The following CSMD1 variants were observed in gnomAD, a reference collection of about 807,000 sequenced individuals.
CSMD1 encodes CUB and Sushi multiple domains 1, also known as CUB and sushi domain-containing protein 1.
Under a neutral mutation model 417.5 loss-of-function variants are expected in CSMD1, and 213 were observed. That is an observed-to-expected ratio of 0.51 (90% CI 0.46 to 0.57). The LOEUF (loss-of-function observed/expected upper bound fraction) is 0.57, where lower values mean the gene tolerates loss of function less well. Ranked by LOEUF, CSMD1 falls within the 20% of genes least tolerant of loss-of-function variation. The pLI is 0.00. For missense variants in CSMD1, 6,923 were observed against 4,529.7 expected (o/e 1.53, Z -15.17); for synonymous variants, 2,862 against 1,736.8 (o/e 1.65, Z -16.11).
intron 1 of CSMD1, among the ~76,000 whole-genome samples, chr8:4,681,911 C>G (rs1450662533): frequency 2.0e-5 from 3 of 152,122 alleles, no homozygotes; most frequent in Non-Finnish European, 2.9e-5. Flanking sequence ...TAAGCCCTAC[C>G]TCGTGCTTGG....
At chr8:4,598,572 C>G (rs559429759) in intron 2 of CSMD1, among the ~76,000 whole-genome samples, 4 of 152,094 alleles carry the variant, frequency 2.6e-5, no homozygotes. Flanking sequence ...CACATTGGTT[C>G]AAGATTATAA....
At chr8:3,968,111 C>T (rs796345409) in intron 5 of CSMD1, among the ~76,000 whole-genome samples, 42 of 151,716 alleles carry the variant, frequency 2.8e-4, no homozygotes, top group Middle Eastern at 3.4e-3. Flanking sequence ...GGCGTGAACC[C>T]GGGAGGCAGA....
rs1038318290 is a variant in CSMD1 at position 4,342,668 on chromosome 8, G to A, written c.415+77285C>T. Among the ~76,000 whole-genome samples the A allele has an allele frequency of 2.6e-5, 4 of 152,016 alleles. No individual in the cohort carries two copies. In the East Asian group the frequency reaches 7.7e-4, roughly 29 times the overall value. Reference sequence around the variant, plus strand: ...TTTCATCACATGTGATGCTAAACATGAACTGGCTGCCCAGCGATAGAGCCA... The same window carrying A: ...TTTCATCACATGTGATGCTAAACATAAACTGGCTGCCCAGCGATAGAGCCA... On this transcript the variant is annotated intron_variant, in intron 3 of 69. Transcript: ENST00000635120.
intron 18 of CSMD1, among the ~76,000 whole-genome samples, chr8:3,384,682 AAT>A (rs1002727940): frequency 3.1e-5 from 4 of 128,402 alleles, no homozygotes; most frequent in Non-Finnish European, 4.7e-5. Context: ...TTTATATATA[AAT>A]ATATATTTAT....
At position 3,316,022 on chromosome 8, in the gene CSMD1, A is replaced by AT. The variant is rs1554512394; in HGVS notation, c.3632-7520dup. The stretch of plus-strand genomic sequence containing the variant: ...ATTCAAATTATTCACTTTCTCACTG[A>AT]TTTTTTTACCACTATGCACGTATGT... On this transcript the variant is annotated intron_variant, in intron 23 of 69. Coordinates refer to ENST00000635120, the MANE Select transcript of CSMD1 (RefSeq NM_033225.6). Among the ~76,000 whole-genome samples, 125 of 152,204 alleles carry AT rather than the reference A, an allele frequency of 8.2e-4. No homozygotes were observed. In the South Asian group the frequency reaches 9.1e-3, roughly 11 times the overall value.
At chr8:4,239,900 G>C (rs1802288723) in intron 3 of CSMD1, among the ~76,000 whole-genome samples, 1 of 152,158 alleles carries the variant, frequency 6.6e-6, no homozygotes, top group African/African-American at 2.4e-5. Flanking sequence ...TTAGCAATTT[G>C]CATAAGTAAA....
intron 5 of CSMD1, among the ~76,000 whole-genome samples, chr8:3,890,939 G>T (rs1053497209): frequency 7.1e-6 from 1 of 141,698 alleles, no homozygotes; most frequent in African/African-American, 3.1e-5. Context: ...TCTCTCATAC[G>T]ACTCTCATAC....
intron 7 of CSMD1, among the ~76,000 whole-genome samples, chr8:3,650,965 A>G (rs1306416151): frequency 1.3e-5 from 2 of 152,162 alleles, no homozygotes; most frequent in African/African-American, 4.8e-5. Flanking sequence ...ATATTTCCCT[A>G]TAGTAAACAC....
At chr8:4,931,217 C>T (rs757316277) in intron 1 of CSMD1, among the ~76,000 whole-genome samples, 1 of 152,106 alleles carries the variant, frequency 6.6e-6, no homozygotes, top group Non-Finnish European at 1.5e-5. Context: ...AACTCACTCC[C>T]CTTTTTTTAG....
intron 27 of CSMD1, among the ~76,000 whole-genome samples, chr8:3,224,646 A>T (rs2044309): frequency 0.27 from 40,726 of 152,120 alleles, 5,616 homozygotes; most frequent in East Asian, 0.31. Flanking sequence ...GAACCACTTT[A>T]TATGATAATA....
At chr8:3,286,080 G>C (rs150605121) in intron 25 of CSMD1, among the ~76,000 whole-genome samples, 2 of 152,042 alleles carry the variant, frequency 1.3e-5, no homozygotes, top group South Asian at 4.1e-4. Context: ...TGAGGCGTTT[G>C]GTTTTTTGTC....
At chr8:4,988,428 G>A (rs907767470) in intron 1 of CSMD1, among the ~76,000 whole-genome samples, 2 of 152,058 alleles carry the variant, frequency 1.3e-5, no homozygotes, top group African/African-American at 2.4e-5. Flanking sequence ...AATAAAATAC[G>A]TAAGTTATTT....
At chr8:4,347,149 T>C (rs1800819654) in intron 3 of CSMD1, among the ~76,000 whole-genome samples, 1 of 152,186 alleles carries the variant, frequency 6.6e-6, no homozygotes, top group Non-Finnish European at 1.5e-5. Context: ...GCACTTGGTG[T>C]GACAACTGGG....
chr8:3,923,703 A>C (rs925220389), intron 5 of CSMD1, among the ~76,000 whole-genome samples: 1 of 152,104 alleles, frequency 6.6e-6, no homozygotes, highest in Non-Finnish European at 1.5e-5. Context: ...CTGTACAATA[A>C]ATCTCTAGTT....
intron 7 of CSMD1, among the ~76,000 whole-genome samples, chr8:3,672,230 C>G (rs960807546): frequency 5.9e-5 from 9 of 152,080 alleles, no homozygotes; most frequent in Non-Finnish European, 1.5e-5. Flanking sequence ...GTTATTTGCT[C>G]ATAAGATTTT....
chr8:3,777,527 C>T (rs1057185479), intron 5 of CSMD1, among the ~76,000 whole-genome samples: 1 of 152,184 alleles, frequency 6.6e-6, no homozygotes, highest in Non-Finnish European at 1.5e-5. Flanking sequence ...TAAAATCCTA[C>T]AGGACGGAGG....
At chr8:4,464,331 T>G (rs1563203767) in intron 2 of CSMD1, among the ~76,000 whole-genome samples, 1 of 152,198 alleles carries the variant, frequency 6.6e-6, no homozygotes, top group Non-Finnish European at 1.5e-5. Context: ...ACAGTGCGGT[T>G]ATGTTCTAAT....
intron 12 of CSMD1, among the ~76,000 whole-genome samples, chr8:3,420,907 G>C (rs1247735224): frequency 6.6e-6 from 1 of 151,910 alleles, no homozygotes; most frequent in Non-Finnish European, 1.5e-5. Flanking sequence ...ACTCTTTCCT[G>C]TTTCTCTTGG....
At chr8:4,695,861 C>T (rs1807092830) in intron 1 of CSMD1, among the ~76,000 whole-genome samples, 2 of 152,154 alleles carry the variant, frequency 1.3e-5, no homozygotes. Flanking sequence ...AGACTGGTGG[C>T]CCACCACTCT....
Sources: gnomAD v4.1 joint callset for allele counts (sites outside exome capture counted in the v4.1 genomes callset) on GRCh38, gnomAD v4.1.1 for gene constraint, MANE v1.5 for transcripts, NCBI Gene and HGNC (gene_info 2026-07-23, HGNC 2026-07-21) for gene names.